The following PPL variants were observed in gnomAD, a reference collection of about 807,000 sequenced individuals.
PPL encodes the protein 190 kDa paraneoplastic pemphigus antigen.
In PPL, 198 loss-of-function variants were observed where a neutral mutation model predicts 194.4. The observed-to-expected ratio is 1.02, with a 90% confidence interval of 0.91 to 1.15. The LOEUF (loss-of-function observed/expected upper bound fraction) is 1.15, where lower values mean the gene tolerates loss of function less well. PPL is among the 50% of genes most tolerant of loss of function. The pLI, the probability that PPL is intolerant of heterozygous loss-of-function variation, is 0.00. For synonymous variants in PPL, 1,220 were observed against 972.4 expected (o/e 1.25, Z -4.74); for missense variants, 2,885 against 2,294.8 (o/e 1.26, Z -5.25).
chr16:4,928,568 C>T (rs1380382741), intron 1 of PPL, among the ~76,000 whole-genome samples: 2 of 152,246 alleles, frequency 1.3e-5, no homozygotes, highest in Non-Finnish European at 2.9e-5. Context: ...ACTGCCTGGG[C>T]TAGGATTTCA....
At chr16:4,899,475 C>CTGGCCTGAGGAGAAGCCCAGCTATGGG in intron 6 of PPL, 91 bp from the exon 7 acceptor site, 1 of 709,086 alleles carries the variant, frequency 1.4e-6, no homozygotes, top group Non-Finnish European at 2.3e-6. Context: ...CCAGCTATGG[C>CTGGCCTGAGGAGAAGCCCAGCTATGGG]TGGCCTGAGG....
intron 2 of PPL, among the ~76,000 whole-genome samples, chr16:4,904,820 G>A (rs566352425): frequency 3.3e-5 from 5 of 152,296 alleles, no homozygotes; most frequent in African/African-American, 1.2e-4. Flanking sequence ...GGGAGGGCAG[G>A]CAGTGGTCTG....
intron 21 of PPL, 144 bp downstream of exon 21, chr16:4,886,991 G>A (rs901229930): frequency 4.5e-5 from 31 of 694,236 alleles, no homozygotes; most frequent in African/African-American, 1.8e-4. Context: ...GCATTGGCTC[G>A]GGCCAGTCTT....
intron 2 of PPL, among the ~76,000 whole-genome samples, chr16:4,908,169 A>G (rs2088739035): frequency 6.6e-6 from 1 of 150,618 alleles, no homozygotes; most frequent in Non-Finnish European, 1.5e-5. Context: ...CTCCAAAAAA[A>G]AAAAAAAAAA....
intron 16 of PPL, 107 bp downstream of exon 16, chr16:4,891,702 TGG>T: frequency 7.1e-7 from 1 of 1,408,858 alleles, no homozygotes. Context: ...ATTCCAAACC[TGG>T]GGAGACTGGA....
intron 1 of PPL, 130 bp from the exon 2 acceptor site, chr16:4,911,079 G>T: frequency 1.4e-6 from 1 of 691,530 alleles, no homozygotes; most frequent in Non-Finnish European, 2.5e-6. Context: ...GAGCCTTTGA[G>T]GTAGTTGGGC....
At chr16:4,895,850 C>T in intron 9 of PPL, 134 bp from the exon 10 acceptor site, 3 of 1,269,362 alleles carry the variant, frequency 2.4e-6, no homozygotes, top group Non-Finnish European at 3.3e-6. Flanking sequence ...GGACCCTGTG[C>T]TGAGCCTGAG....
At chr16:4,930,090 C>T (rs1455934670) in intron 1 of PPL, among the ~76,000 whole-genome samples, 4 of 152,214 alleles carry the variant, frequency 2.6e-5, no homozygotes, top group African/African-American at 4.8e-5. Flanking sequence ...ATCTTTGCAT[C>T]CTTCATCAAC....
At chr16:4,920,377 CTCGG>C (rs2089026592) in intron 1 of PPL, among the ~76,000 whole-genome samples, 1 of 56,054 alleles carries the variant, frequency 1.8e-5, no homozygotes, top group South Asian at 8.4e-4. Context: ...GAAAGGACAC[CTCGG>C]TCAAATTTCA....
At chr16:4,920,687 T>C (rs2089032662) in intron 1 of PPL, among the ~76,000 whole-genome samples, 1 of 152,200 alleles carries the variant, frequency 6.6e-6, no homozygotes, top group South Asian at 2.1e-4. Context: ...GGTCTTGAAC[T>C]CCTGATCAGG....
chr16:4,893,850 T>C, intron 12 of PPL: 1 of 574,340 alleles, frequency 1.7e-6, no homozygotes, highest in Admixed American at 3.2e-5. Flanking sequence ...GTAGGAAGTC[T>C]CACTACCTAA....
intron 1 of PPL, among the ~76,000 whole-genome samples, chr16:4,934,679 A>G (rs1470845966): frequency 6.6e-6 from 1 of 152,052 alleles, no homozygotes; most frequent in Non-Finnish European, 1.5e-5. Flanking sequence ...AGAGTGAAGG[A>G]ATAACTTGGG....
At position 4,885,567 on chromosome 16, in the gene PPL, C is replaced by G. The variant is rs371322586; in HGVS notation, c.3088G>C (p.Glu1030Gln). The G allele has an allele frequency of 1.9e-5, 31 of 1,610,828 alleles. No individual in the cohort carries two copies. The highest frequency in any genetic ancestry group is 6.7e-5 in the Admixed American group (4 of 59,982). Residue 1030 changes from glutamate (E) to glutamine (Q), a missense_variant, in exon 22 of 22, where the codon GAG (glutamate) becomes CAG (glutamine). By Grantham distance (29) the Glu-to-Gln change is conservative (BLOSUM62 2). Transcript: ENST00000345988. The surrounding 1 kb of genome is among the most constrained non-coding windows in gnomAD (Gnocchi z 6.3). ...ACACGCTGCTGCAGGAGGAGCACCT[C>G]TGCCTCCCGGGCGCCCTTCTGCCGC... is the stretch of plus-strand genomic sequence containing the variant. ...LRRQKGAREAEVLLLQQRVAA... is the reference protein window; with the variant it reads ...LRRQKGAREAQVLLLQQRVAA...
rs373970564 is a variant in PPL at position 4,903,919 on chromosome 16, A to G, written c.284T>C (p.Met95Thr). ...GATCATGTCCCCCTGTGGGTGCTTCATGTGCTTGGCAATGGCCGCATCCGC... is the reference window on the plus strand; with the variant it reads ...GATCATGTCCCCCTGTGGGTGCTTCGTGTGCTTGGCAATGGCCGCATCCGC... Reference protein sequence around the residue: ...LEADAAIAKHMKHPQGDMIAE... With the variant: ...LEADAAIAKHTKHPQGDMIAE... The change falls in exon 3 of 22, where the codon ATG becomes ACG. Residue 95 changes from methionine to threonine, a missense_variant. Met to Thr is a moderately conservative substitution (Grantham distance 81). Transcript: ENST00000345988. 1.2e-6 allele frequency: 2 copies of G among 1,614,058 alleles called. No individual in the cohort carries two copies. The highest frequency in any genetic ancestry group is 1.7e-6 in the Non-Finnish European group (2 of 1,180,024).
chr16:4,936,311 A>G (rs2089297539), intron 1 of PPL, among the ~76,000 whole-genome samples: 1 of 152,278 alleles, frequency 6.6e-6, no homozygotes, highest in Admixed American at 6.5e-5. Context: ...GTGGGGAGGT[A>G]AGGGGGTGCC....
intron 1 of PPL, among the ~76,000 whole-genome samples, chr16:4,922,821 C>A (rs1192991932): frequency 6.6e-6 from 1 of 152,172 alleles, no homozygotes; most frequent in Non-Finnish European, 1.5e-5. Flanking sequence ...TTTGCTTCTG[C>A]CCTGTGAATG....
At chr16:4,894,405 G>A (rs936639727) in intron 12 of PPL, 62 bp downstream of exon 12, 11 of 1,579,512 alleles carry the variant, frequency 7.0e-6, no homozygotes, top group East Asian at 6.8e-5. Flanking sequence ...GGCTATGAAT[G>A]GGGCCTGAGA....
In PPL at chr16:4,884,205, G is replaced by A. The variant is rs772600374; in HGVS notation, c.4450C>T (p.Arg1484Trp). The change falls in exon 22 of 22, where the codon CGG becomes TGG. Residue 1484 changes from arginine to tryptophan, a missense_variant. Coordinates refer to ENST00000345988, the MANE Select transcript of PPL (RefSeq NM_002705.5). The surrounding 1 kb of genome is among the most constrained non-coding windows in gnomAD (Gnocchi z 5.7). ...QLLEGELETL[R>W]RKLAALEKAE... Reference sequence around the variant, plus strand: ...TTCTCCAGTGCAGCCAGTTTCCTCCGGAGGGTCTCGAGCTCCCCCTCCAGG... The same window carrying A: ...TTCTCCAGTGCAGCCAGTTTCCTCCAGAGGGTCTCGAGCTCCCCCTCCAGG... 30 of 1,613,902 alleles carry A rather than the reference G, an allele frequency of 1.9e-5. No homozygotes were observed. In the Admixed American group the frequency reaches 2.5e-4, roughly 13 times the overall value.
At chr16:4,896,642 T>G (rs566822852) in intron 9 of PPL, among the ~76,000 whole-genome samples, 16 of 148,698 alleles carry the variant, frequency 1.1e-4, no homozygotes, top group African/African-American at 2.5e-4. Flanking sequence ...CGGGGTTGTT[T>G]TTTTTTTTTT....
Sources: allele counts gnomAD v4.1 joint callset (sites outside exome capture counted in the v4.1 genomes callset), GRCh38; gene constraint gnomAD v4.1.1; non-coding constraint Gnocchi (gnomAD v3.1); transcripts MANE v1.5; gene names NCBI Gene and HGNC (gene_info 2026-07-23, HGNC 2026-07-21).